Variants in PDE4D observed in about 807,000 individuals in gnomAD.
The protein encoded by PDE4D is 3',5'-cyclic-AMP phosphodiesterase 4D.
Under a neutral mutation model 87.4 loss-of-function variants are expected in PDE4D, and 24 were observed. The ratio of observed to expected loss-of-function variants is 0.27; its 90% confidence interval spans 0.20 to 0.39. The LOEUF is 0.39. Among genes scored for constraint, PDE4D ranks in the 10% least tolerant of loss-of-function variants. The pLI is 1.00. For missense variants in PDE4D, 714 were observed against 1,041.0 expected (o/e 0.69, Z 4.32); for synonymous variants, 384 against 383.2 (o/e 1.00, Z -0.02).
At chr5:59,586,367 G>A (rs780080723) in intron 1 of PDE4D, 63 of 1,612,408 alleles carry the variant, frequency 3.9e-5, no homozygotes, top group Admixed American at 2.2e-4. Flanking sequence ...AATTATTCAC[G>A]TGCATCATGT....
intron 6 of PDE4D, 77 bp downstream of exon 6, chr5:59,038,782 G>C (rs1759032452): frequency 7.7e-7 from 1 of 1,298,864 alleles, no homozygotes; most frequent in Non-Finnish European, 1.0e-6. Context: ...TATTTCCCGG[G>C]GCTATGGGTA....
intron 1 of PDE4D, among the ~76,000 whole-genome samples, chr5:59,286,297 A>G (rs922255888): frequency 3.3e-5 from 5 of 152,174 alleles, no homozygotes; most frequent in Admixed American, 3.3e-4. Flanking sequence ...CAAACTCACA[A>G]GCTAGGTACT....
chr5:60,062,811 A>T (rs896380788), intron 2 of PDE4D, among the ~76,000 whole-genome samples: 1 of 152,056 alleles, frequency 6.6e-6, no homozygotes, highest in Non-Finnish European at 1.5e-5. Context: ...AAACTAACAC[A>T]GGATCAGAAA....
intron 1 of PDE4D, among the ~76,000 whole-genome samples, chr5:59,470,885 G>A (rs913187891): frequency 1.3e-5 from 2 of 152,044 alleles, no homozygotes; most frequent in African/African-American, 2.4e-5. Flanking sequence ...AAAAAAATCA[G>A]TCCTAATATC....
chr5:59,518,385 G>A (rs1811560621), intron 1 of PDE4D, among the ~76,000 whole-genome samples: 1 of 152,086 alleles, frequency 6.6e-6, no homozygotes, highest in Admixed American at 6.5e-5. Context: ...TTGTGTAGCT[G>A]AGTCATGATG....
intron 1 of PDE4D, among the ~76,000 whole-genome samples, chr5:60,363,780 A>C (rs889399985): frequency 3.9e-5 from 6 of 152,220 alleles, no homozygotes; most frequent in African/African-American, 1.4e-4. Flanking sequence ...AGCAGGTTCA[A>C]CAAAGAGCTT....
intron 1 of PDE4D, among the ~76,000 whole-genome samples, chr5:60,299,234 C>A (rs1753682605): frequency 6.6e-6 from 1 of 151,924 alleles, no homozygotes; most frequent in Admixed American, 6.6e-5. Flanking sequence ...CCTTTAAAAC[C>A]AAAAGTAATG....
At chr5:59,095,182 C>T (rs1339847933) in intron 5 of PDE4D, among the ~76,000 whole-genome samples, 1 of 151,492 alleles carries the variant, frequency 6.6e-6, no homozygotes, top group Non-Finnish European at 1.5e-5. Flanking sequence ...TGACTTTTTG[C>T]TATCAACTAA....
At chr5:59,617,552 G>T (rs189464541) in intron 1 of PDE4D, among the ~76,000 whole-genome samples, 1 of 152,126 alleles carries the variant, frequency 6.6e-6, no homozygotes, top group African/African-American at 2.4e-5. Context: ...AAGAGAGTAG[G>T]TCCCTAATCC....
chr5:60,015,648 G>C (rs191285957), intron 2 of PDE4D, among the ~76,000 whole-genome samples: 7 of 152,236 alleles, frequency 4.6e-5, no homozygotes, highest in African/African-American at 1.7e-4. Flanking sequence ...TTTTAGATGA[G>C]ATTAATCAGT....
Position 59,529,854 on chromosome 5 carries a change from G to T in PDE4D, c.456-313886C>A, listed in dbSNP as rs138303598. On this transcript the variant is annotated intron_variant, in intron 1 of 14. Transcript: ENST00000340635. ...TTCAAAATATGATAGATATGCTAGT[G>T]CACTGTATTCGGAAAAATGTGAGTT... 1.9e-3 allele frequency among the ~76,000 whole-genome samples: 282 copies of T among 152,244 alleles called. 1 individual carries two copies. The highest frequency in any genetic ancestry group is 6.5e-3 in the African/African-American group (272 of 41,546).
At chr5:59,084,283 C>T (rs1394186506) in intron 5 of PDE4D, among the ~76,000 whole-genome samples, 1 of 151,716 alleles carries the variant, frequency 6.6e-6, no homozygotes, top group African/African-American at 2.4e-5. Flanking sequence ...AGGAAAAGAA[C>T]ATCAGAGCCC....
intron 1 of PDE4D, among the ~76,000 whole-genome samples, chr5:59,531,239 A>G (rs139112850): frequency 2.0e-5 from 3 of 152,256 alleles, no homozygotes; most frequent in Admixed American, 1.3e-4. Flanking sequence ...CTCAGCTTTT[A>G]GCCTCCTGTT....
chr5:59,227,210 G>A (rs1753983689), intron 1 of PDE4D, among the ~76,000 whole-genome samples: 1 of 152,104 alleles, frequency 6.6e-6, no homozygotes, highest in South Asian at 2.1e-4. Flanking sequence ...GTCCAAAGAG[G>A]AATAGCGTCT....
At chr5:60,326,232 A>G (rs955119478) in intron 1 of PDE4D, among the ~76,000 whole-genome samples, 3 of 152,104 alleles carry the variant, frequency 2.0e-5, no homozygotes, top group African/African-American at 7.2e-5. Context: ...TTAGTTTTTT[A>G]AGAAACTGCC....
At chr5:60,127,341 G>A (rs1779204634) in intron 2 of PDE4D, among the ~76,000 whole-genome samples, 1 of 152,164 alleles carries the variant, frequency 6.6e-6, no homozygotes, top group South Asian at 2.1e-4. Context: ...AGGCAAGGGT[G>A]TGTGGTGAGT....
At chr5:60,208,385 G>T (rs1048743616) in intron 1 of PDE4D, among the ~76,000 whole-genome samples, 1 of 152,216 alleles carries the variant, frequency 6.6e-6, no homozygotes, top group Non-Finnish European at 1.5e-5. Flanking sequence ...GGCCAAGTGA[G>T]CAGGGAAGAG....
chr5:59,310,158 T>C (rs1354020234), intron 1 of PDE4D, among the ~76,000 whole-genome samples: 1 of 152,198 alleles, frequency 6.6e-6, no homozygotes, highest in Non-Finnish European at 1.5e-5. Flanking sequence ...TGATAGGGCT[T>C]GAGCCTAGGC....
chr5:59,257,591 A>T (rs1323625328), intron 1 of PDE4D, among the ~76,000 whole-genome samples: 2 of 152,028 alleles, frequency 1.3e-5, no homozygotes, highest in African/African-American at 4.8e-5. Flanking sequence ...TTTAGAACTC[A>T]GATCAGAGGC....
Sources: gnomAD v4.1 joint callset for allele counts (sites outside exome capture counted in the v4.1 genomes callset) on GRCh38, gnomAD v4.1.1 for gene constraint, MANE v1.5 for transcripts, NCBI Gene and HGNC (gene_info 2026-07-23, HGNC 2026-07-21) for gene names.